The following EYS variants were observed in gnomAD, a reference collection of about 807,000 sequenced individuals.
EYS encodes EGF-like photoreceptor maintenance factor.
In EYS, 250 loss-of-function variants were observed where a neutral mutation model predicts 282.1. That is an observed-to-expected ratio of 0.89 (90% CI 0.80 to 0.98). The LOEUF (loss-of-function observed/expected upper bound fraction) is 0.98, where lower values mean the gene tolerates loss of function less well. Ranked by LOEUF, EYS falls within the 50% of genes least tolerant of loss-of-function variation. EYS has a pLI of 0.00. For synonymous variants in EYS, 1,355 were observed against 1,282.9 expected (o/e 1.06, Z -1.20); for missense variants, 4,016 against 3,709.0 (o/e 1.08, Z -2.15).
chr6:64,274,997 T>G (rs556248019), intron 30 of EYS, among the ~76,000 whole-genome samples: 223 of 152,350 alleles, frequency 1.5e-3, no homozygotes, highest in Admixed American at 4.0e-3. Context: ...ATCTCTAGCC[T>G]GCTATTGATC....
chr6:63,979,113 C>A (rs544349838), intron 35 of EYS, among the ~76,000 whole-genome samples: 2 of 152,066 alleles, frequency 1.3e-5, no homozygotes, highest in Admixed American at 1.3e-4. Flanking sequence ...CCATTTGTTG[C>A]CCTAGTGCAG....
At chr6:64,304,276 T>C (rs1194800510) in intron 30 of EYS, among the ~76,000 whole-genome samples, 2 of 152,142 alleles carry the variant, frequency 1.3e-5, no homozygotes, top group Non-Finnish European at 2.9e-5. Flanking sequence ...TGATTACAGA[T>C]TATCAAAATA....
chr6:64,791,844 C>T (rs1037944370), intron 22 of EYS, among the ~76,000 whole-genome samples: 8 of 151,786 alleles, frequency 5.3e-5, no homozygotes, highest in African/African-American at 1.9e-4. Flanking sequence ...ATACATAAAA[C>T]ATGGCATTAA....
intron 31 of EYS, among the ~76,000 whole-genome samples, chr6:64,145,388 A>C (rs116282998): frequency 0.011 from 1,746 of 152,318 alleles, 33 homozygotes; most frequent in African/African-American, 0.039. Flanking sequence ...TAGCATTACT[A>C]AGCAGTGGAT....
At chr6:65,129,465 G>A (rs544913107) in intron 12 of EYS, among the ~76,000 whole-genome samples, 2 of 151,440 alleles carry the variant, frequency 1.3e-5, no homozygotes, top group South Asian at 2.1e-4. Context: ...GAAAACAAAA[G>A]GCAAAAATCA....
At chr6:64,742,711 T>C (rs1319649909) in intron 22 of EYS, among the ~76,000 whole-genome samples, 1 of 152,148 alleles carries the variant, frequency 6.6e-6, no homozygotes, top group African/African-American at 2.4e-5. Flanking sequence ...AAACATTAAG[T>C]ATGTACAACT....
chr6:63,735,407 C>T (rs1225574574), intron 41 of EYS, among the ~76,000 whole-genome samples: 1 of 151,892 alleles, frequency 6.6e-6, no homozygotes, highest in African/African-American at 2.4e-5. Context: ...CCAGACTCTC[C>T]AATTGTTCCT....
intron 15 of EYS, among the ~76,000 whole-genome samples, chr6:64,934,956 A>G (rs1768856565): frequency 2.0e-5 from 3 of 151,786 alleles, no homozygotes; most frequent in African/African-American, 7.2e-5. Context: ...CAGTTTGTTG[A>G]TGGGCTTATA....
intron 39 of EYS, among the ~76,000 whole-genome samples, chr6:63,787,717 G>A (rs1328875391): frequency 6.6e-6 from 1 of 152,088 alleles, no homozygotes; most frequent in Non-Finnish European, 1.5e-5. Flanking sequence ...CAAGGCAGGC[G>A]GATCACCTGA....
rs559044658 is a variant in EYS at position 64,569,933 on chromosome 6, T to C, written c.5644+20290A>G. ...CAGTCCAACATTCAAATTCAGGAAATACGGAGAACAGCACAAAGATACTCC... is the reference window on the plus strand; with the variant it reads ...CAGTCCAACATTCAAATTCAGGAAACACGGAGAACAGCACAAAGATACTCC... On this transcript the variant is annotated intron_variant, in intron 26 of 42. Coordinates refer to ENST00000503581, the MANE Select transcript of EYS (RefSeq NM_001142800.2). Among the ~76,000 whole-genome samples the C allele has an allele frequency of 2.6e-5, 4 of 152,162 alleles. No individual in the cohort carries two copies. In the South Asian group the frequency reaches 8.3e-4, roughly 32 times the overall value.
chr6:63,882,636 T>C (rs1773161356), intron 35 of EYS, among the ~76,000 whole-genome samples: 1 of 152,152 alleles, frequency 6.6e-6, no homozygotes, highest in South Asian at 2.1e-4. Context: ...AGTAACTAAA[T>C]AGAAAATGAC....
intron 30 of EYS, among the ~76,000 whole-genome samples, chr6:64,235,068 TTTTA>T (rs1766547132): frequency 7.3e-6 from 1 of 137,022 alleles, no homozygotes; most frequent in African/African-American, 2.7e-5. Context: ...TATTTTTATT[TTTTA>T]TTTTTTTATT....
At chr6:65,506,143 G>C (rs9351508) in intron 2 of EYS, among the ~76,000 whole-genome samples, 66,169 of 151,892 alleles carry the variant, frequency 0.44, 16,275 homozygotes, top group African/African-American at 0.67. Flanking sequence ...ATTACTTGAG[G>C]TACTGAAGAT....
At position 65,696,777 on chromosome 6, in the gene EYS, A is replaced by C. The variant is rs112604751; in HGVS notation, c.-448+10358T>G. Among the ~76,000 whole-genome samples, 1,001 of 152,176 alleles carry C rather than the reference A, an allele frequency of 6.6e-3. 7 individuals carry two copies. Among genetic ancestry groups the C allele is most frequent in the African/African-American group, 0.023 (943 of 41,566 alleles). Reference sequence around the variant, plus strand: ...CTTAAGCCATTGTAAATAAAATATTAAACTTTGAAATGTATTTTATGCACT... The same window carrying C: ...CTTAAGCCATTGTAAATAAAATATTCAACTTTGAAATGTATTTTATGCACT... On this transcript the variant is annotated intron_variant, in intron 1 of 42. Coordinates refer to ENST00000503581, the MANE Select transcript of EYS (RefSeq NM_001142800.2).
chr6:64,715,194 C>T (rs1036005097), intron 22 of EYS, among the ~76,000 whole-genome samples: 2 of 152,074 alleles, frequency 1.3e-5, no homozygotes, highest in Admixed American at 6.6e-5. Flanking sequence ...TTATAGAACT[C>T]ACTATAATGT....
intron 22 of EYS, among the ~76,000 whole-genome samples, chr6:64,771,250 C>T (rs1773514630): frequency 6.6e-6 from 1 of 151,456 alleles, no homozygotes. Flanking sequence ...TTTCTTATTC[C>T]TAGTATTTGT....
intron 14 of EYS, among the ~76,000 whole-genome samples, chr6:64,963,938 T>C (rs1770011864): frequency 1.3e-5 from 2 of 152,162 alleles, no homozygotes; most frequent in South Asian, 2.1e-4. Flanking sequence ...ATGTTGTACT[T>C]TTTTATTAGG....
At chr6:64,893,132 G>A (rs988698484) in intron 18 of EYS, among the ~76,000 whole-genome samples, 10 of 152,056 alleles carry the variant, frequency 6.6e-5, no homozygotes, top group Non-Finnish European at 1.5e-4. Context: ...TAGTAGCAAT[G>A]ACTTGAAAAG....
At chr6:65,416,619 A>G (rs1470741270) in intron 5 of EYS, among the ~76,000 whole-genome samples, 3 of 152,046 alleles carry the variant, frequency 2.0e-5, no homozygotes, top group Admixed American at 2.0e-4. Context: ...ATTATTTTAG[A>G]CCATTATGTT....
Sources: allele counts gnomAD v4.1 joint callset (sites outside exome capture counted in the v4.1 genomes callset), GRCh38; gene constraint gnomAD v4.1.1; transcripts MANE v1.5; gene names NCBI Gene and HGNC (gene_info 2026-07-23, HGNC 2026-07-21).